The following UBAC2 variants were observed in gnomAD, a reference collection of about 807,000 sequenced individuals.
UBAC2 encodes UBA domain containing 2.
UBAC2 carries 26 observed loss-of-function variants against 44.0 expected under a neutral mutation model. That is an observed-to-expected ratio of 0.59 (90% CI 0.43 to 0.82). UBAC2 has a LOEUF of 0.82. Ranked by LOEUF, UBAC2 falls within the 40% of genes least tolerant of loss-of-function variation. The probability of loss-of-function intolerance (pLI) is 0.00; values close to 1 mark genes in which losing one functional copy is unlikely to be tolerated. For synonymous variants in UBAC2, 155 were observed against 154.3 expected (o/e 1.00, Z -0.04); for missense variants, 329 against 419.4 (o/e 0.78, Z 1.88).
chr13:99,313,948 C>T, intron 4 of UBAC2, 149 bp from the exon 5 acceptor site: 1 of 699,460 alleles, frequency 1.4e-6, no homozygotes. Context: ...TTATTTTGGA[C>T]ATGAATCATA....
intron 1 of UBAC2, among the ~76,000 whole-genome samples, chr13:99,237,442 A>C (rs1280338307): frequency 6.6e-6 from 1 of 152,128 alleles, no homozygotes; most frequent in Non-Finnish European, 1.5e-5. Flanking sequence ...AGTGGATCTC[A>C]TGAAGACAGA....
intron 4 of UBAC2, among the ~76,000 whole-genome samples, chr13:99,251,597 G>T (rs1000465849): frequency 3.3e-5 from 5 of 152,076 alleles, no homozygotes; most frequent in Admixed American, 6.5e-5. Flanking sequence ...TAAAATGCAG[G>T]CTTAACCACA....
chr13:99,255,417 C>T (rs2043531692), intron 4 of UBAC2: 6 of 1,613,926 alleles, frequency 3.7e-6, no homozygotes, highest in East Asian at 2.2e-5. Flanking sequence ...GAGGGGTGGT[C>T]GTGGTCAGGG....
chr13:99,381,908 A>G (rs2045556459), intron 8 of UBAC2, among the ~76,000 whole-genome samples: 1 of 152,244 alleles, frequency 6.6e-6, no homozygotes. Context: ...ATGGTTTGTG[A>G]ACGTTGAAAA....
At chr13:99,346,780 C>A (rs2044989949) in intron 7 of UBAC2, among the ~76,000 whole-genome samples, 1 of 152,334 alleles carries the variant, frequency 6.6e-6, no homozygotes, top group African/African-American at 2.4e-5. Flanking sequence ...GCACCGCAAA[C>A]CCGATGTTCA....
At chr13:99,231,047 C>CAA (rs149090712) in intron 1 of UBAC2, among the ~76,000 whole-genome samples, 36 of 147,318 alleles carry the variant, frequency 2.4e-4, no homozygotes, top group African/African-American at 7.7e-4. Context: ...GACTCCGTCT[C>CAA]AAAAAAAAAA....
intron 8 of UBAC2, among the ~76,000 whole-genome samples, 154 bp from the exon 9 acceptor site, chr13:99,385,074 A>C (rs1433664227): frequency 6.6e-6 from 1 of 152,224 alleles, no homozygotes; most frequent in Non-Finnish European, 1.5e-5. Context: ...ACCTGGTATA[A>C]CTTTTAAGTA....
intron 1 of UBAC2, among the ~76,000 whole-genome samples, chr13:99,222,724 T>G (rs553387687): frequency 5.9e-5 from 9 of 152,352 alleles, no homozygotes; most frequent in Admixed American, 2.0e-4. Context: ...GATGTATTCT[T>G]TTTATATAAT....
intron 4 of UBAC2, among the ~76,000 whole-genome samples, chr13:99,308,993 C>T (rs1012053011): frequency 6.6e-6 from 1 of 152,112 alleles, no homozygotes; most frequent in Non-Finnish European, 1.5e-5. Flanking sequence ...TGTTGAAAGA[C>T]CATTCTGGTG....
At chr13:99,280,003 G>A (rs2043931607) in intron 4 of UBAC2, among the ~76,000 whole-genome samples, 1 of 152,188 alleles carries the variant, frequency 6.6e-6, no homozygotes, top group South Asian at 2.1e-4. Flanking sequence ...GATTGATAGA[G>A]CAAATAGATT....
intron 4 of UBAC2, among the ~76,000 whole-genome samples, chr13:99,293,419 G>A (rs1381353618): frequency 6.6e-6 from 1 of 152,126 alleles, no homozygotes; most frequent in Non-Finnish European, 1.5e-5. Flanking sequence ...GCTCTGAAAT[G>A]GAGGAAGCTT....
intron 7 of UBAC2, among the ~76,000 whole-genome samples, chr13:99,352,498 T>C (rs2138859938): frequency 6.6e-6 from 1 of 152,342 alleles, no homozygotes; most frequent in South Asian, 2.1e-4. Context: ...TGTTGCAGCA[T>C]GGTTGATTTT....
intron 1 of UBAC2, among the ~76,000 whole-genome samples, chr13:99,232,114 G>A (rs1196882704): frequency 6.6e-6 from 1 of 152,086 alleles, no homozygotes; most frequent in East Asian, 1.9e-4. Context: ...AGAAAATTGG[G>A]AGTTAAGCTA....
At chr13:99,356,962 A>C (rs1288153228) in intron 7 of UBAC2, among the ~76,000 whole-genome samples, 1 of 152,160 alleles carries the variant, frequency 6.6e-6, no homozygotes, top group Non-Finnish European at 1.5e-5. Context: ...TTTGCCACAA[A>C]GCTTTTGCTG....
chr13:99,355,000 C>T (rs1028198530), intron 7 of UBAC2, among the ~76,000 whole-genome samples: 5 of 151,730 alleles, frequency 3.3e-5, no homozygotes, highest in Middle Eastern at 3.4e-3. Flanking sequence ...CCGCCTGCCA[C>T]GGTGAACGCA....
At chr13:99,201,040 T>G in intron 1 of UBAC2, 101 bp downstream of exon 1, 1 of 1,294,090 alleles carries the variant, frequency 7.7e-7, no homozygotes, top group Non-Finnish European at 9.9e-7. Flanking sequence ...TTGCCGGAGG[T>G]GGTGGGGCCG....
chr13:99,345,630 C>T (rs1215512029), intron 7 of UBAC2, among the ~76,000 whole-genome samples: 3 of 152,122 alleles, frequency 2.0e-5, no homozygotes, highest in Non-Finnish European at 4.4e-5. Flanking sequence ...GATCTAGAGA[C>T]TGGACCTCCC....
chr13:99,375,540 G>T (rs1015163369), intron 8 of UBAC2, among the ~76,000 whole-genome samples: 2 of 152,210 alleles, frequency 1.3e-5, no homozygotes, highest in Non-Finnish European at 2.9e-5. Context: ...CTTCAGGTGG[G>T]CATCGCTTTC....
chr13:99,312,059 C>T (rs866873874), intron 4 of UBAC2, among the ~76,000 whole-genome samples: 1 of 152,230 alleles, frequency 6.6e-6, no homozygotes, highest in Non-Finnish European at 1.5e-5. Context: ...CTAGCATTTG[C>T]TGCGTTTGTG....
Sources: allele counts gnomAD v4.1 joint callset (sites outside exome capture counted in the v4.1 genomes callset), GRCh38; gene constraint gnomAD v4.1.1; transcripts MANE v1.5; gene names NCBI Gene and HGNC (gene_info 2026-07-23, HGNC 2026-07-21).